NEGR1: variants seen among roughly 807,000 people sequenced by gnomAD.
NEGR1 encodes the protein neuronal growth regulator 1.
A neutral mutation model predicts 40.9 loss-of-function variants in NEGR1; 10 were observed. The ratio of observed to expected loss-of-function variants is 0.24; its 90% confidence interval spans 0.15 to 0.42. The LOEUF is 0.42. Among genes scored for constraint, NEGR1 ranks in the 10% least tolerant of loss-of-function variants. The probability of loss-of-function intolerance (pLI) is 1.00; values close to 1 mark genes in which losing one functional copy is unlikely to be tolerated. For synonymous variants in NEGR1, 185 were observed against 166.8 expected, an observed-to-expected ratio of 1.11 and a Z score of -0.84; for missense variants, 352 against 438.9, an observed-to-expected ratio of 0.80 and a Z score of 1.77.
intron 2 of NEGR1, chr1:71,798,156 C>T (rs1013696622): frequency 2.0e-5 from 3 of 151,644 alleles, no homozygotes; most frequent in Admixed American, 2.0e-4. Flanking sequence ...AGAAGCCAGC[C>T]CCCTGAAGCT....
At chr1:72,216,416 T>C (rs1255712907) in intron 1 of NEGR1, among the ~76,000 whole-genome samples, 3 of 137,890 alleles carry the variant, frequency 2.2e-5, no homozygotes, top group African/African-American at 6.3e-5. Context: ...TATATATATA[T>C]GTATATCTAT....
At chr1:71,761,599 A>G (rs1208154110) in intron 3 of NEGR1, among the ~76,000 whole-genome samples, 1 of 152,162 alleles carries the variant, frequency 6.6e-6, no homozygotes, top group South Asian at 2.1e-4. Flanking sequence ...CTGAGTTTCT[A>G]TACTTTAACC....
chr1:71,511,064 G>T (rs985315154), intron 6 of NEGR1, among the ~76,000 whole-genome samples: 3 of 152,184 alleles, frequency 2.0e-5, no homozygotes, highest in Non-Finnish European at 4.4e-5. Context: ...TGATAATTTT[G>T]CAGATGCAGG....
chr1:72,036,331 GA>G (rs1375131959), intron 1 of NEGR1, among the ~76,000 whole-genome samples: 1 of 151,954 alleles, frequency 6.6e-6, no homozygotes, highest in Admixed American at 6.6e-5. Flanking sequence ...GCTATAGTAG[GA>G]AAAAATGTGC....
chr1:71,467,424 A>G (rs1358810509), intron 6 of NEGR1, among the ~76,000 whole-genome samples: 2 of 152,114 alleles, frequency 1.3e-5, no homozygotes, highest in East Asian at 1.9e-4. Context: ...TCAAATTTCA[A>G]TAATGCTTTA....
intron 1 of NEGR1, among the ~76,000 whole-genome samples, chr1:72,168,232 G>A (rs1462992924): frequency 3.3e-5 from 5 of 151,954 alleles, no homozygotes; most frequent in African/African-American, 1.2e-4. Flanking sequence ...AGGCTGGTCT[G>A]ACCTCAGGTG....
rs576197977 is a variant in NEGR1, at chr1:71,399,650, T to C, written c.*7796A>G. 6.6e-6 allele frequency: 1 copy of C among 152,336 alleles called. No homozygotes were observed. Among genetic ancestry groups the C allele is most frequent in the East Asian group, 1.9e-4 (1 of 5,190 alleles). 9.4% of individuals were successfully genotyped at this position (152,336 alleles called of 1,614,324 possible). A position where few individuals can be genotyped will look rare whatever the true frequency, so the allele number is the denominator to read the frequency against. ...GCGATTTTGTATTTGTGTGTGAGTA[T>C]GTGTTTTGTTTTGAAAAAGACATCA... is the stretch of plus-strand genomic sequence containing the variant. On this transcript the variant is annotated 3_prime_UTR_variant, in exon 7 of 7. Coordinates refer to ENST00000357731, the MANE Select transcript of NEGR1 (RefSeq NM_173808.3).
intron 1 of NEGR1, among the ~76,000 whole-genome samples, chr1:72,073,450 A>G (rs1647565920): frequency 6.6e-6 from 1 of 152,132 alleles, no homozygotes; most frequent in Non-Finnish European, 1.5e-5. Context: ...TATCTGTGCA[A>G]CGATCTATTT....
intron 6 of NEGR1, among the ~76,000 whole-genome samples, chr1:71,557,685 T>TTA (rs1419208139): frequency 2.0e-5 from 3 of 151,598 alleles, no homozygotes; most frequent in Non-Finnish European, 4.4e-5. Flanking sequence ...GGTAAAAATC[T>TTA]TATATAACCA....
chr1:72,215,197 C>T (rs1653754764), intron 1 of NEGR1, among the ~76,000 whole-genome samples: 2 of 152,036 alleles, frequency 1.3e-5, no homozygotes, highest in Non-Finnish European at 2.9e-5. Context: ...TTCCTTAGAC[C>T]TCATACAAAA....
intron 6 of NEGR1, among the ~76,000 whole-genome samples, chr1:71,560,761 T>C (rs1212778208): frequency 6.6e-6 from 1 of 151,388 alleles, no homozygotes; most frequent in East Asian, 2.0e-4. Flanking sequence ...ATGATATCCT[T>C]TACATAGTGT....
chr1:71,844,974 G>T (rs987004509), intron 2 of NEGR1, among the ~76,000 whole-genome samples: 2 of 152,088 alleles, frequency 1.3e-5, no homozygotes, highest in Non-Finnish European at 2.9e-5. Context: ...AATTATTTCA[G>T]GTTTTGAACA....
intron 6 of NEGR1, among the ~76,000 whole-genome samples, chr1:71,426,929 A>G (rs886394856): frequency 6.6e-6 from 1 of 152,180 alleles, no homozygotes; most frequent in Non-Finnish European, 1.5e-5. Context: ...AAAATCCCAT[A>G]TCAAAGAAAT....
chr1:72,197,266 A>T (rs1391997479), intron 1 of NEGR1, among the ~76,000 whole-genome samples: 1 of 152,050 alleles, frequency 6.6e-6, no homozygotes, highest in Non-Finnish European at 1.5e-5. Flanking sequence ...TAGTATTTAA[A>T]AATGAGTATC....
intron 1 of NEGR1, among the ~76,000 whole-genome samples, chr1:72,205,817 C>G (rs1345700346): frequency 6.7e-6 from 1 of 148,442 alleles, no homozygotes; most frequent in Non-Finnish European, 1.5e-5. Context: ...TGGTGCAAGC[C>G]TGGTAGGCCT....
chr1:71,434,078 C>T (rs1334098099), intron 6 of NEGR1, among the ~76,000 whole-genome samples: 1 of 151,820 alleles, frequency 6.6e-6, no homozygotes, highest in Non-Finnish European at 1.5e-5. Context: ...TATGTGGGTC[C>T]ACTTATACAT....
intron 1 of NEGR1, among the ~76,000 whole-genome samples, chr1:72,022,900 T>A (rs1025489655): frequency 1.3e-5 from 2 of 152,192 alleles, no homozygotes; most frequent in African/African-American, 4.8e-5. Context: ...CTGTAATTTT[T>A]AAAAGGTGAC....
chr1:72,014,083 T>C (rs1646686660), intron 1 of NEGR1, among the ~76,000 whole-genome samples: 1 of 151,240 alleles, frequency 6.6e-6, no homozygotes, highest in Admixed American at 6.6e-5. Flanking sequence ...CTGGGGAAGG[T>C]TAAAGAAAAA....
rs530165526 is a variant in NEGR1 at position 71,596,776 on chromosome 1, C to A, written c.789-3808G>T. On this transcript the variant is annotated intron_variant, in intron 5 of 6. Coordinates refer to ENST00000357731, the MANE Select transcript of NEGR1 (RefSeq NM_173808.3). ...CAACAGATATCTCTAGAGAAACCAA[C>A]TTGCAGATGAAAACAGCCTCAGAAA... Among the ~76,000 whole-genome samples the A allele has an allele frequency of 9.2e-5, 14 of 152,296 alleles. No individual in the cohort carries two copies. In the East Asian group the frequency reaches 2.7e-3, roughly 29 times the overall value.
Sources: allele counts gnomAD v4.1 joint callset (sites outside exome capture counted in the v4.1 genomes callset), GRCh38; gene constraint gnomAD v4.1.1; transcripts MANE v1.5; gene names NCBI Gene and HGNC (gene_info 2026-07-23, HGNC 2026-07-21).